The following BBOX1 variants were observed in gnomAD, a reference collection of about 807,000 sequenced individuals.
BBOX1 encodes the protein gamma-butyrobetaine hydroxylase 1, also known as gamma-butyrobetaine dioxygenase.
In BBOX1, 35 loss-of-function variants were observed where a neutral mutation model predicts 41.6. That is an observed-to-expected ratio of 0.84 (90% confidence interval 0.64 to 1.11). The LOEUF (loss-of-function observed/expected upper bound fraction) is 1.11, where lower values mean the gene tolerates loss of function less well. BBOX1 is among the 50% of genes most tolerant of loss of function. BBOX1 has a pLI of 0.00. For missense variants in BBOX1, 458 were observed against 460.6 expected (o/e 0.99, Z 0.05); for synonymous variants, 163 against 154.7 (o/e 1.05, Z -0.40).
Position 27,077,138 on chromosome 11 carries a change from G to T in BBOX1, c.335-16030G>T, listed in dbSNP as rs369064567. On this transcript the variant is annotated intron_variant, in intron 4 of 8. Transcript: ENST00000263182. ...TGAGATTATATCCCGAATTTCAGTT[G>T]GGAGCCTCTCTCAACCTGTGACTGC... Among the ~76,000 whole-genome samples, 7 of 152,226 alleles carry T rather than the reference G, an allele frequency of 4.6e-5. No homozygotes were observed. In the East Asian group the frequency reaches 9.7e-4, roughly 21 times the overall value.
At chr11:27,054,268 C>T (rs1856909904) in intron 2 of BBOX1, among the ~76,000 whole-genome samples, 1 of 150,164 alleles carries the variant, frequency 6.7e-6, no homozygotes, top group Non-Finnish European at 1.5e-5. Flanking sequence ...CCTACTTCCC[C>T]TTCATCTCAA....
chr11:27,077,963 C>T (rs970546111), intron 4 of BBOX1, among the ~76,000 whole-genome samples: 1 of 152,110 alleles, frequency 6.6e-6, no homozygotes, highest in African/African-American at 2.4e-5. Context: ...GTTCCCCTTG[C>T]TCATGTGTCT....
intron 7 of BBOX1, among the ~76,000 whole-genome samples, chr11:27,121,886 C>T (rs1590229979): frequency 6.6e-6 from 1 of 152,154 alleles, no homozygotes; most frequent in Non-Finnish European, 1.5e-5. Context: ...ATAAGATTAA[C>T]TGAATGTCCA....
rs558100849 is a variant in BBOX1, at chr11:27,063,042, G to A, written c.334+5727G>A. On this transcript the variant is annotated intron_variant, in intron 4 of 8. Transcript: ENST00000263182. ...AGTGACTGGGGTCAGGGTAACCGTA[G>A]CATGACCTAGAAATAGTCCTGTAAA... The A allele has an allele frequency of 2.6e-5, 4 of 152,432 alleles. No individual in the cohort carries two copies. The East Asian group carries it at 7.7e-4, about 29-fold the overall frequency. 9.4% of individuals were successfully genotyped at this position (152,432 alleles called of 1,614,324 possible). A position where few individuals can be genotyped will look rare whatever the true frequency, so the allele number is the denominator to read the frequency against.
chr11:27,055,393 C>T lies in BBOX1; in HGVS notation c.-38C>T. ...TCCTTTTAACACTGATTTGTCATAG[C>T]AGGTAGCTGACAGCATCTACTCCTG... On this transcript the variant is annotated splice_region_variant and 5_prime_UTR_variant, in exon 3 of 9. Transcript: ENST00000263182. The T allele has an allele frequency of 6.3e-7, 1 of 1,586,648 alleles. No individual in the cohort carries two copies. The highest frequency in any genetic ancestry group is 1.1e-5 in the South Asian group (1 of 90,310).
chr11:27,071,255 A>T (rs1210429698), intron 4 of BBOX1, among the ~76,000 whole-genome samples: 4 of 151,594 alleles, frequency 2.6e-5, no homozygotes, highest in Non-Finnish European at 1.5e-5. Flanking sequence ...GGTGGCAGGC[A>T]CCTGTAGTCC....
Position 27,127,690 on chromosome 11 carries a change from ATTT to A in BBOX1, c.*238_*240del, listed in dbSNP as rs1859715008. 1 of 438,490 alleles carries A rather than the reference ATTT, an allele frequency of 2.3e-6. No individual in the cohort carries two copies. Among genetic ancestry groups the A allele is most frequent in the African/African-American group, 2.0e-5 (1 of 48,868 alleles). The allele number at this position is 438,490 out of a possible 1,614,324, so 27.2% of individuals were successfully genotyped here. The stretch of plus-strand genomic sequence containing the variant: ...TCTGCTCTGTTGCATGCCTGCTCTA[ATTT>A]CTTTTGCCCATATATGAGTATCTCC... On this transcript the variant is annotated 3_prime_UTR_variant, in exon 9 of 9. Coordinates refer to ENST00000263182, the MANE Select transcript of BBOX1 (RefSeq NM_003986.3).
chr11:27,075,114 T>C (rs533157242), intron 4 of BBOX1, among the ~76,000 whole-genome samples: 1 of 152,362 alleles, frequency 6.6e-6, no homozygotes, highest in African/African-American at 2.4e-5. Flanking sequence ...TTAATTATTG[T>C]TGACTTCTTT....
chr11:27,118,509 C>T (rs931583730), intron 6 of BBOX1, among the ~76,000 whole-genome samples: 7 of 152,000 alleles, frequency 4.6e-5, no homozygotes, highest in Non-Finnish European at 7.4e-5. Flanking sequence ...TAAGGCACCA[C>T]ATCTTTAATG....
intron 4 of BBOX1, among the ~76,000 whole-genome samples, chr11:27,064,277 C>T (rs780327674): frequency 6.6e-6 from 1 of 151,878 alleles, no homozygotes; most frequent in African/African-American, 2.4e-5. Flanking sequence ...TCCAAACAGC[C>T]CTGTCAAAAC....
At chr11:27,071,029 G>C (rs1391418216) in intron 4 of BBOX1, among the ~76,000 whole-genome samples, 6 of 151,936 alleles carry the variant, frequency 3.9e-5, no homozygotes, top group Non-Finnish European at 8.8e-5. Flanking sequence ...TTCATTTATG[G>C]AACTTAGTTT....
At chr11:27,113,515 G>T (rs929739907) in intron 5 of BBOX1, among the ~76,000 whole-genome samples, 3 of 151,744 alleles carry the variant, frequency 2.0e-5, no homozygotes, top group African/African-American at 7.3e-5. Context: ...ACCATGGATG[G>T]AGCCAGATGC....
rs1181943792 is a variant in BBOX1, at chr11:27,075,177, T to C, written c.334+17862T>C. Reference sequence around the variant, plus strand: ...CCCTGAAGGATGTGACTTTAATGTTTATAGTTTATTGCAGCCTTATTCAGC... The same window carrying C: ...CCCTGAAGGATGTGACTTTAATGTTCATAGTTTATTGCAGCCTTATTCAGC... On this transcript the variant is annotated intron_variant, in intron 4 of 8. Coordinates refer to ENST00000263182, the MANE Select transcript of BBOX1 (RefSeq NM_003986.3). 2.0e-5 allele frequency among the ~76,000 whole-genome samples: 3 copies of C among 152,326 alleles called. 1 individual carries two copies. The highest frequency in any genetic ancestry group is 7.2e-5 in the African/African-American group (3 of 41,598).
At chr11:27,093,390 T>G in intron 5 of BBOX1, 24 bp downstream of exon 5, 1 of 1,607,902 alleles carries the variant, frequency 6.2e-7, no homozygotes, top group Non-Finnish European at 8.5e-7. Context: ...TGGTTTGTAT[T>G]CTGCCATCAC....
rs1209195451 is a variant in BBOX1 at position 27,086,004 on chromosome 11, G to A, written c.335-7164G>A. Among the ~76,000 whole-genome samples, 3 of 152,120 alleles carry A rather than the reference G, an allele frequency of 2.0e-5. No individual in the cohort carries two copies. In the East Asian group the frequency reaches 5.8e-4, roughly 29 times the overall value. On this transcript the variant is annotated intron_variant, in intron 4 of 8. Coordinates refer to ENST00000263182, the MANE Select transcript of BBOX1 (RefSeq NM_003986.3). Reference sequence around the variant, plus strand: ...CCCTAACTCTGTTTAATTCTGTGAAGCCTGAGAGAGGTAAAGAAGCTATAG... The same window carrying A: ...CCCTAACTCTGTTTAATTCTGTGAAACCTGAGAGAGGTAAAGAAGCTATAG...
At chr11:27,078,154 C>T (rs547965263) in intron 4 of BBOX1, among the ~76,000 whole-genome samples, 1 of 152,172 alleles carries the variant, frequency 6.6e-6, no homozygotes, top group East Asian at 1.9e-4. Flanking sequence ...TTACTCACAT[C>T]CTAATGAAGA....
chr11:27,115,680 C>T, intron 6 of BBOX1, 123 bp downstream of exon 6: 1 of 755,890 alleles, frequency 1.3e-6, no homozygotes, highest in Non-Finnish European at 2.0e-6. Flanking sequence ...TTTCTCCAAA[C>T]ACAATCCAAG....
At chr11:27,066,764 T>C (rs1413416805) in intron 4 of BBOX1, 5 of 152,178 alleles carry the variant, frequency 3.3e-5, no homozygotes, top group African/African-American at 9.6e-5. Flanking sequence ...TAAGAATTTG[T>C]TGATGTTTAC....
At chr11:27,121,891 T>C (rs1198772246) in intron 7 of BBOX1, among the ~76,000 whole-genome samples, 1 of 152,182 alleles carries the variant, frequency 6.6e-6, no homozygotes, top group East Asian at 1.9e-4. Context: ...ATTAACTGAA[T>C]GTCCACCATG....
Sources: gnomAD v4.1 joint callset for allele counts (sites outside exome capture counted in the v4.1 genomes callset) on GRCh38, gnomAD v4.1.1 for gene constraint, MANE v1.5 for transcripts, NCBI Gene and HGNC (gene_info 2026-07-23, HGNC 2026-07-21) for gene names.